TYW1: variants seen among roughly 807,000 people sequenced by gnomAD.
TYW1 encodes S-adenosyl-L-methionine-dependent tRNA 4-demethylwyosine synthase TYW1.
In TYW1, 46 loss-of-function variants were observed where a neutral mutation model predicts 96.2. That is an observed-to-expected ratio of 0.48 (90% CI 0.38 to 0.61). The LOEUF (loss-of-function observed/expected upper bound fraction) is 0.61. TYW1 is among the 20% of genes least tolerant of loss of function. The pLI, the probability that TYW1 is intolerant of heterozygous loss-of-function variation, is 0.00. For missense variants in TYW1, 684 were observed against 909.6 expected (o/e 0.75, Z 3.19); for synonymous variants, 274 against 323.0 (o/e 0.85, Z 1.63).
chr7:67,007,469 A>G (rs1793638135), intron 3 of TYW1, among the ~76,000 whole-genome samples: 1 of 152,102 alleles, frequency 6.6e-6, no homozygotes. Context: ...TCCACTGGTA[A>G]CAAAGCCACT....
In TYW1 at chr7:67,089,452, C is replaced by T. The variant is rs71563156; in HGVS notation, c.1384+5913C>T. ...GGAAGACTCCACTGCAGGTGGAAGG[C>T]GTGGCCTTGAGACAGGAATGCTCAT... On this transcript the variant is annotated intron_variant, in intron 11 of 15. Coordinates refer to ENST00000359626, the MANE Select transcript of TYW1 (RefSeq NM_018264.4). 2.2e-4 allele frequency: 273 copies of T among 1,224,840 alleles called. 1 individual carries two copies. The highest frequency in any genetic ancestry group is 1.8e-3 in the Middle Eastern group (7 of 3,810). 75.9% of individuals were successfully genotyped at this position (1,224,840 alleles called of 1,614,324 possible).
chr7:67,038,725 G>A (rs1164797402), intron 7 of TYW1, among the ~76,000 whole-genome samples: 9 of 152,084 alleles, frequency 5.9e-5, no homozygotes, highest in East Asian at 1.9e-4. Context: ...CCAACATGGC[G>A]AAACCCCGTC....
rs370593960 is a variant in TYW1, at chr7:67,062,626, ATT to A, written c.1156-4658_1156-4657del. The stretch of plus-strand genomic sequence containing the variant: ...TCAGTATCAGGAATGAAACAATATT[ATT>A]ACAGGTCCTGCAGCGATTGAAAGGA... On this transcript the variant is annotated intron_variant, in intron 9 of 15. Transcript: ENST00000359626. Among the ~76,000 whole-genome samples the A allele has an allele frequency of 9.0e-4, 136 of 151,830 alleles. 1 individual carries two copies. Among genetic ancestry groups the A allele is most frequent in the African/African-American group, 3.2e-3 (132 of 41,424 alleles).
rs1217830985 is a variant in TYW1 at position 67,018,059 on chromosome 7, C to G, written c.777C>G (p.Gly259=). The change falls in exon 6 of 16, where the codon GGC becomes GGG. Residue 259 remains glycine (G), a synonymous_variant. Coordinates refer to ENST00000359626, the MANE Select transcript of TYW1 (RefSeq NM_018264.4). ...CCTGTGGCGGCCACTGCAAGAAAGG[C>G]AAATGTGAATCTCACCAACATGGCT... ...KKSCGGHCKK[G]KCESHQHGSE... is the part of the protein sequence containing the mutation. The G allele has an allele frequency of 1.2e-6, 2 of 1,613,942 alleles. No individual in the cohort carries two copies. Among genetic ancestry groups the G allele is most frequent in the Non-Finnish European group, 1.7e-6 (2 of 1,180,024 alleles).
At chr7:67,237,912 A>T (rs1304506854) in intron 15 of TYW1, among the ~76,000 whole-genome samples, 1 of 152,158 alleles carries the variant, frequency 6.6e-6, no homozygotes, top group African/African-American at 2.4e-5. Flanking sequence ...TCTAAAAAGG[A>T]TTCCACGAGG....
chr7:67,085,347 C>T (rs1796514332), intron 11 of TYW1, among the ~76,000 whole-genome samples: 1 of 152,128 alleles, frequency 6.6e-6, no homozygotes, highest in Non-Finnish European at 1.5e-5. Context: ...CCATGGTGTT[C>T]TCATGATAGT....
At chr7:67,221,392 C>A (rs766053975) in intron 15 of TYW1, among the ~76,000 whole-genome samples, 1 of 152,166 alleles carries the variant, frequency 6.6e-6, no homozygotes, top group South Asian at 2.1e-4. Flanking sequence ...GGGTTCAAAG[C>A]GAATCTATTG....
At chr7:67,154,173 T>G (rs1798894835) in intron 13 of TYW1, among the ~76,000 whole-genome samples, 1 of 152,176 alleles carries the variant, frequency 6.6e-6, no homozygotes, top group Non-Finnish European at 1.5e-5. Context: ...CCACCTGCCT[T>G]GGCCTGCCAA....
At chr7:67,063,720 C>G (rs1158704064) in intron 9 of TYW1, among the ~76,000 whole-genome samples, 1 of 152,048 alleles carries the variant, frequency 6.6e-6, no homozygotes. Context: ...TCTCCTGCCT[C>G]AGCCTCCCTA....
intron 5 of TYW1, 103 bp from the exon 6 acceptor site, chr7:67,017,750 C>T (rs1287920778): frequency 9.5e-6 from 14 of 1,479,228 alleles, no homozygotes; most frequent in Non-Finnish European, 1.0e-5. Context: ...TAGCGGCAGC[C>T]CATGACCAGG....
intron 13 of TYW1, among the ~76,000 whole-genome samples, chr7:67,174,880 A>G (rs1799622089): frequency 6.6e-6 from 1 of 152,192 alleles, no homozygotes; most frequent in Non-Finnish European, 1.5e-5. Context: ...ATTTTGAATT[A>G]CTTTATGCCA....
chr7:67,044,390 G>T (rs544009364), intron 7 of TYW1, among the ~76,000 whole-genome samples: 1 of 151,698 alleles, frequency 6.6e-6, no homozygotes, highest in Admixed American at 6.6e-5. Context: ...GAGCCACCAC[G>T]TCCGACCTGA....
chr7:67,166,421 G>A lies in TYW1; in HGVS notation c.1699-16705G>A, dbSNP rs573222306. Among the ~76,000 whole-genome samples the A allele has an allele frequency of 1.7e-3, 257 of 147,660 alleles. 1 individual carries two copies. The highest frequency in any genetic ancestry group is 6.3e-3 in the African/African-American group (250 of 39,924). The stretch of plus-strand genomic sequence containing the variant: ...GGAGTATACCATACACACAGAAAAG[G>A]GCACAGATCTTACATGAACTGCTGG... On this transcript the variant is annotated intron_variant, in intron 13 of 15. Transcript: ENST00000359626.
chr7:67,070,753 C>T (rs543478151), intron 10 of TYW1, among the ~76,000 whole-genome samples: 2 of 152,186 alleles, frequency 1.3e-5, no homozygotes, highest in Non-Finnish European at 2.9e-5. Flanking sequence ...CCTATGCCTC[C>T]TCAGGGAGAG....
intron 7 of TYW1, among the ~76,000 whole-genome samples, chr7:67,037,474 A>G (rs906508604): frequency 1.3e-5 from 2 of 150,596 alleles, no homozygotes; most frequent in African/African-American, 4.9e-5. Flanking sequence ...ATTGCACTCC[A>G]GCCTGGGCAA....
intron 5 of TYW1, among the ~76,000 whole-genome samples, chr7:67,017,506 G>C (rs1271930078): frequency 6.6e-6 from 1 of 151,892 alleles, no homozygotes; most frequent in African/African-American, 2.4e-5. Context: ...TACATTTTTG[G>C]AACTCATTTA....
rs558671265 is a variant in TYW1, at chr7:67,155,678, C to T, written c.1699-27448C>T. ...GGTTCAAGTGATTCTCATGCCTCAG[C>T]TTCCCAAAGTGCTGGGATTATAGGC... On this transcript the variant is annotated intron_variant, in intron 13 of 15. Coordinates refer to ENST00000359626, the MANE Select transcript of TYW1 (RefSeq NM_018264.4). Among the ~76,000 whole-genome samples, 15 of 152,278 alleles carry T rather than the reference C, an allele frequency of 9.9e-5. No homozygotes were observed. The East Asian group carries it at 1.9e-3, about 20-fold the overall frequency.
At chr7:67,172,225 T>A (rs1799537195) in intron 13 of TYW1, among the ~76,000 whole-genome samples, 1 of 151,906 alleles carries the variant, frequency 6.6e-6, no homozygotes, top group Non-Finnish European at 1.5e-5. Flanking sequence ...TTTATTTTTT[T>A]ATTATTGTTC....
chr7:67,044,714 GGTTCAA>G (rs1286485247), intron 7 of TYW1, among the ~76,000 whole-genome samples: 1 of 151,978 alleles, frequency 6.6e-6, no homozygotes, highest in Non-Finnish European at 1.5e-5. Flanking sequence ...CTGCCTCCTG[GGTTCAA>G]GTGATTCTCG....
Sources: allele counts gnomAD v4.1 joint callset (sites outside exome capture counted in the v4.1 genomes callset), GRCh38; gene constraint gnomAD v4.1.1; transcripts MANE v1.5; gene names NCBI Gene and HGNC (gene_info 2026-07-23, HGNC 2026-07-21).